The following ZNF808 variants were observed in gnomAD, a reference collection of about 807,000 sequenced individuals.
ZNF808 encodes zinc finger protein 808.
A neutral mutation model predicts 8.7 loss-of-function variants in ZNF808; 5 were observed. The ratio of observed to expected loss-of-function variants is 0.58; its 90% confidence interval spans 0.30 to 1.21. The LOEUF (loss-of-function observed/expected upper bound fraction) is 1.21, where lower values mean the gene tolerates loss of function less well. Among genes scored for constraint, ZNF808 ranks in the 50% most tolerant of loss-of-function variants. The pLI is 0.07. For synonymous variants in ZNF808, 380 were observed against 366.0 expected, an observed-to-expected ratio of 1.04 and a Z score of -0.44; for missense variants, 1,103 against 1,098.4, an observed-to-expected ratio of 1.00 and a Z score of -0.06.
chr19:52,558,016 G>T (rs574919938), downstream of ZNF808, among the ~76,000 whole-genome samples: 460 of 74,320 alleles, frequency 6.2e-3, 6 homozygotes, highest in African/African-American at 0.021. Flanking sequence ...TCTAGGTGTG[G>T]CTTTTTTTTT....
rs3049209 is a variant in ZNF808 at position 52,539,184 on chromosome 19, A to ATTTT, written c.-19-4065_-19-4062dup. On this transcript the variant is annotated intron_variant, in intron 2 of 4. Transcript: ENST00000359798. ...CTTTTTTCTAGTTCCTCTTCATTTC[A>ATTTT]TTTTTTTTTTTTTTTTTTTTAATTT... Among the ~76,000 whole-genome samples the ATTTT allele has an allele frequency of 4.4e-3, 515 of 117,704 alleles. 1 individual carries two copies. The highest frequency in any genetic ancestry group is 0.014 in the East Asian group (58 of 4,062). The allele number at this position is 117,704 out of a possible 152,430, so 77.2% of individuals were successfully genotyped here.
At position 52,554,091 on chromosome 19, in the gene ZNF808, T is replaced by A. The variant is rs1396566841; in HGVS notation, c.1175T>A (p.Ile392Asn). The A allele has an allele frequency of 6.2e-7, 1 of 1,614,126 alleles. No individual in the cohort carries two copies. Among genetic ancestry groups the A allele is most frequent in the South Asian group, 1.1e-5 (1 of 91,078 alleles). The change falls in exon 5 of 5, where the codon ATT becomes AAT. Residue 392 changes from isoleucine to asparagine, a missense_variant. Coordinates refer to ENST00000359798, the MANE Select transcript of ZNF808 (RefSeq NM_001039886.4). ...CHSYLANHTR[I>N]HSGEKTYKCN... ...TCCTATCTGGCAAACCATACTAGAA[T>A]TCATAGTGGAGAGAAAACATACAAG...
intron 3 of ZNF808, among the ~76,000 whole-genome samples, chr19:52,561,841 C>T (rs113789412): frequency 6.6e-6 from 1 of 152,180 alleles, no homozygotes; most frequent in Non-Finnish European, 1.5e-5. Context: ...GCCACGGTGC[C>T]TGGCTGCCTC....
intron 1 of ZNF808, among the ~76,000 whole-genome samples, chr19:52,529,677 T>TG (rs2059542724): frequency 6.6e-6 from 1 of 151,926 alleles, no homozygotes. Context: ...GGTAGAGAAG[T>TG]GGGAAAAAAG....
intron 2 of ZNF808, chr19:52,535,993 TGG>T (rs1490460945): frequency 6.3e-6 from 1 of 159,816 alleles, no homozygotes; most frequent in East Asian, 1.8e-4. Context: ...GCTTCAGTCC[TGG>T]GCGCGCAAAC....
At chr19:52,567,153 C>T (rs1010410668), downstream of ZNF808, among the ~76,000 whole-genome samples, 3 of 151,912 alleles carry the variant, frequency 2.0e-5, no homozygotes, top group African/African-American at 2.4e-5. Context: ...GGTTTCATCA[C>T]GTTCGCAAGG....
intron 2 of ZNF808, among the ~76,000 whole-genome samples, chr19:52,540,944 TTTTG>T (rs1306898355): frequency 1.2e-4 from 18 of 152,124 alleles, no homozygotes; most frequent in South Asian, 2.1e-4. Flanking sequence ...GTCCTGGAAT[TTTTG>T]TTTGTTTGTT....
chr19:52,528,299 G>A (rs982334615), intron 1 of ZNF808, among the ~76,000 whole-genome samples: 1 of 152,174 alleles, frequency 6.6e-6, no homozygotes, highest in African/African-American at 2.4e-5. Context: ...CTTGCCTGCC[G>A]AGCTCCAGCC....
At chr19:52,568,158 C>T (rs977886484), downstream of ZNF808, among the ~76,000 whole-genome samples, 1 of 152,180 alleles carries the variant, frequency 6.6e-6, no homozygotes, top group African/African-American at 2.4e-5. Flanking sequence ...GATCGCCTGA[C>T]GTCAGGAATT....
chr19:52,564,480 T>C, downstream of ZNF808: 2 of 212,356 alleles, frequency 9.4e-6, no homozygotes, highest in South Asian at 1.8e-4. Flanking sequence ...TGCTTTGTTT[T>C]GTTTTTTGAG....
downstream of ZNF808, among the ~76,000 whole-genome samples, chr19:52,557,016 T>C (rs894216177): frequency 2.0e-5 from 3 of 152,108 alleles, no homozygotes; most frequent in Non-Finnish European, 4.4e-5. Flanking sequence ...TCTGTCGCCT[T>C]GGATGGAGTG....
chr19:52,530,141 A>G (rs750586049), intron 1 of ZNF808, among the ~76,000 whole-genome samples: 30 of 151,368 alleles, frequency 2.0e-4, no homozygotes, highest in Non-Finnish European at 3.4e-4. Context: ...GCTCACCACA[A>G]CCTCCGCTCC....
chr19:52,535,858 G>A (rs2059604411), intron 2 of ZNF808: 1 of 152,264 alleles, frequency 6.6e-6, no homozygotes, highest in Admixed American at 6.5e-5. Context: ...GAGGCGGAGG[G>A]ATGCACAGGT....
At chr19:52,567,727 A>G (rs533506210), downstream of ZNF808, among the ~76,000 whole-genome samples, 1 of 151,592 alleles carries the variant, frequency 6.6e-6, no homozygotes, top group East Asian at 2.0e-4. Flanking sequence ...GTTTCTCTAT[A>G]TTGGTCAGGC....
At chr19:52,566,072 A>G (rs1208168249), downstream of ZNF808, among the ~76,000 whole-genome samples, 1 of 151,384 alleles carries the variant, frequency 6.6e-6, no homozygotes, top group Admixed American at 6.6e-5. Context: ...CAAAATCTCA[A>G]CTCCTTCATA....
At chr19:52,543,844 A>ATT (rs33909825) in intron 3 of ZNF808, among the ~76,000 whole-genome samples, 1 of 147,372 alleles carries the variant, frequency 6.8e-6, no homozygotes, top group Non-Finnish European at 1.5e-5. Context: ...CTGTGTCCAA[A>ATT]TTTTTTTTTT....
rs1193009301 is a variant in ZNF808, at chr19:52,553,321, G to A, written c.405G>A (p.Leu135=). The part of the protein sequence containing the change: ...HEAPTTKIKK[L]TGSTDQHDHR... ...CACCCACGACAAAAATAAAAAAGTT[G>A]ACTGGTAGCACAGACCAACATGATC... Residue 135 remains leucine (L), a synonymous_variant, in exon 5 of 5, where the codon TTG becomes TTA. Coordinates refer to ENST00000359798, the MANE Select transcript of ZNF808 (RefSeq NM_001039886.4). 6.2e-7 allele frequency: 1 copy of A among 1,613,716 alleles called. No individual in the cohort carries two copies. Among genetic ancestry groups the A allele is most frequent in the East Asian group, 2.2e-5 (1 of 44,884 alleles).
exon 4 of ZNF808, chr19:52,563,932 G>A: frequency 3.5e-6 from 1 of 286,356 alleles, no homozygotes; most frequent in Non-Finnish European, 6.6e-6. Context: ...GGAGGCGGAA[G>A]TTTCGATGAG....
exon 4 of ZNF808, chr19:52,563,842 A>T: frequency 5.0e-6 from 1 of 198,494 alleles, no homozygotes; most frequent in Non-Finnish European, 1.0e-5. Flanking sequence ...CTAAAAATAC[A>T]AAGATTAGCT....
Sources: gnomAD v4.1 joint callset for allele counts (sites outside exome capture counted in the v4.1 genomes callset) on GRCh38, gnomAD v4.1.1 for gene constraint, MANE v1.5 for transcripts, NCBI Gene and HGNC (gene_info 2026-07-23, HGNC 2026-07-21) for gene names.